The following DDX42 variants were observed in gnomAD, a reference collection of about 807,000 sequenced individuals.
DDX42 encodes the protein DEAD-box helicase 42, also known as ATP-dependent RNA helicase DDX42.
Under a neutral mutation model 101.5 loss-of-function variants are expected in DDX42, and 22 were observed. The observed-to-expected ratio is 0.22, with a 90% CI of 0.15 to 0.31. The LOEUF (loss-of-function observed/expected upper bound fraction) is 0.31, where lower values mean the gene tolerates loss of function less well. Among genes scored for constraint, DDX42 ranks in the 10% least tolerant of loss-of-function variants. The pLI, the probability that DDX42 is intolerant of heterozygous loss-of-function variation, is 1.00. For missense variants in DDX42, 849 were observed against 1,199.9 expected, an observed-to-expected ratio of 0.71 and a Z score of 4.32; for synonymous variants, 402 against 401.2, an observed-to-expected ratio of 1.00 and a Z score of -0.02.
intron 3 of DDX42, among the ~76,000 whole-genome samples, chr17:63,793,876 AT>A (rs11351860): frequency 0.31 from 43,945 of 143,842 alleles, 7,520 homozygotes; most frequent in African/African-American, 0.47. Context: ...ATATATATAT[AT>A]ATAATTTTTT....
chr17:63,776,628 CTCA>C (rs1435165440), intron 1 of DDX42, among the ~76,000 whole-genome samples: 1 of 146,654 alleles, frequency 6.8e-6, no homozygotes, highest in African/African-American at 2.5e-5. Context: ...AGGTGATAGT[CTCA>C]TCTTTTTTTT....
chr17:63,807,657 C>T, intron 8 of DDX42, 67 bp from the exon 9 acceptor site: 1 of 1,435,100 alleles, frequency 7.0e-7, no homozygotes, highest in Non-Finnish European at 9.6e-7. Context: ...TATCATTCCC[C>T]AGGATTTGCT....
intron 2 of DDX42, 124 bp downstream of exon 2, chr17:63,787,394 G>A (rs1031236989): frequency 9.9e-6 from 10 of 1,010,442 alleles, no homozygotes; most frequent in South Asian, 5.1e-5. Flanking sequence ...TATGTGTCTC[G>A]CTGAATTCCA....
chr17:63,817,192 T>A, intron 17 of DDX42: 1 of 488,196 alleles, frequency 2.0e-6, no homozygotes, highest in Non-Finnish European at 3.7e-6. Flanking sequence ...ACTTGGGGCC[T>A]GGGATTGTTG....
chr17:63,786,901 C>G, intron 1 of DDX42, 133 bp from the exon 2 acceptor site: 1 of 821,986 alleles, frequency 1.2e-6, no homozygotes, highest in Non-Finnish European at 1.9e-6. Context: ...TGGTCTTGAA[C>G]TCCTGACCTC....
At position 63,818,001 on chromosome 17, in the gene DDX42, G is replaced by T. The variant is rs750068796; in HGVS notation, c.2420G>T (p.Arg807Ile). 7 of 1,614,116 alleles carry T rather than the reference G, an allele frequency of 4.3e-6. No individual in the cohort carries two copies. Among genetic ancestry groups the T allele is most frequent in the Non-Finnish European group, 5.9e-6 (7 of 1,180,026 alleles). The change falls in exon 18 of 18, where the codon AGA (arginine) becomes ATA (isoleucine). Residue 807 changes from arginine (R) to isoleucine (I), a missense_variant. This residue lies in a region of DDX42 where 300 missense variants were observed against 304.9 expected (regional missense o/e 0.98). Coordinates refer to ENST00000389924, the MANE Select transcript of DDX42 (RefSeq NM_203499.3). ...GGGACTGGGGGCAGCAACGGGAAAA[G>T]AGAGAGATATACTGAGAACCGGGGC... The part of the protein sequence containing the change: ...REGTGGSNGK[R>I]ERYTENRGSS...
chr17:63,789,583 T>C lies in DDX42; in HGVS notation c.221+2313T>C, dbSNP rs1182104569. ...TGTTTTTGTTTTTGTTTTTTTTTTT[T>C]TTTTTTTGAGACAGAGTTTCGCTCT... On this transcript the variant is annotated intron_variant, in intron 2 of 17. Coordinates refer to ENST00000389924, the MANE Select transcript of DDX42 (RefSeq NM_203499.3). Among the ~76,000 whole-genome samples the C allele has an allele frequency of 3.5e-5, 4 of 113,554 alleles. No individual in the cohort carries two copies. In the South Asian group the frequency reaches 1.3e-3, roughly 37 times the overall value. The allele number at this position is 113,554 out of a possible 152,430, so 74.5% of individuals were successfully genotyped here.
chr17:63,788,310 C>CT (rs370584285), intron 2 of DDX42, among the ~76,000 whole-genome samples: 3,057 of 121,434 alleles, frequency 0.025, 80 homozygotes, highest in African/African-American at 0.05. Flanking sequence ...ACATCTGAGT[C>CT]TTTTTTTTTT....
chr17:63,786,500 G>T (rs771895081), intron 1 of DDX42, among the ~76,000 whole-genome samples: 1 of 151,476 alleles, frequency 6.6e-6, no homozygotes, highest in Non-Finnish European at 1.5e-5. Flanking sequence ...TCATAGCTCA[G>T]TGTAATCTGG....
chr17:63,808,605 G>C (rs1476246615), intron 9 of DDX42, among the ~76,000 whole-genome samples: 1 of 152,094 alleles, frequency 6.6e-6, no homozygotes, highest in Admixed American at 6.5e-5. Flanking sequence ...GGAAGAGAAG[G>C]GGGTAAAATG....
chr17:63,801,419 A>G (rs1045881333), intron 6 of DDX42, among the ~76,000 whole-genome samples: 3 of 151,976 alleles, frequency 2.0e-5, no homozygotes, highest in East Asian at 1.9e-4. Flanking sequence ...TGTTGTTGCT[A>G]TATTGCCCAG....
Position 63,800,464 on chromosome 17 carries a change from G to T in DDX42, c.472-4G>T, listed in dbSNP as rs373347096. ...TGTGATTATGTTCTTGTGCTTTCCT[G>T]CAGGAAGCTTATTTTCGATACATGG... is the stretch of plus-strand genomic sequence containing the variant. On this transcript the variant is annotated splice_polypyrimidine_tract_variant and splice_region_variant and intron_variant, in intron 5 of 17. Transcript: ENST00000389924. The T allele has an allele frequency of 3.6e-5, 58 of 1,612,624 alleles. No individual in the cohort carries two copies. The highest frequency in any genetic ancestry group is 4.7e-5 in the Non-Finnish European group (55 of 1,179,444).
At chr17:63,812,414 T>C (rs2039921488) in intron 14 of DDX42, among the ~76,000 whole-genome samples, 1 of 152,140 alleles carries the variant, frequency 6.6e-6, no homozygotes, top group Admixed American at 6.6e-5. Flanking sequence ...TTAGTATTTC[T>C]CTCTAATCAA....
At chr17:63,793,856 TTATATA>T (rs138103837) in intron 3 of DDX42, among the ~76,000 whole-genome samples, 7 of 70,684 alleles carry the variant, frequency 9.9e-5, no homozygotes, top group Admixed American at 7.1e-4. Context: ...GCAGAAAAAT[TTATATA>T]TATATATATA....
In DDX42 at chr17:63,807,824, T is replaced by C. The variant is rs1265292331; in HGVS notation, c.947T>C (p.Met316Thr). Residue 316 changes from methionine to threonine, a missense_variant, in exon 9 of 18, where the codon ATG (methionine) becomes ACG (threonine). Coordinates refer to ENST00000389924, the MANE Select transcript of DDX42 (RefSeq NM_203499.3). ...AFIWPMLIHI[M>T]DQKELEPGDG... ...ATTTGGCCCATGTTGATTCATATAA[T>C]GGACCAGAAGGAGTTGGAACCAGGT... is the stretch of plus-strand genomic sequence containing the variant. The C allele has an allele frequency of 6.2e-7, 1 of 1,614,186 alleles. No homozygotes were observed. The highest frequency in any genetic ancestry group is 1.1e-5 in the South Asian group (1 of 91,088).
In DDX42 at chr17:63,774,209, G is replaced by T; in HGVS notation, c.-184G>T. The T allele has an allele frequency of 6.9e-6, 2 of 289,156 alleles. 1 individual carries two copies. Among genetic ancestry groups the T allele is most frequent in the Non-Finnish European group, 1.2e-5 (2 of 165,228 alleles). 17.9% of individuals were successfully genotyped at this position (289,156 alleles called of 1,614,324 possible). ...TTCAGCAACGGGCCGTGAGGCGGTGGCGGTGGTGGCGGTGGCGGCGGCGGT... is the reference window on the plus strand; with the variant it reads ...TTCAGCAACGGGCCGTGAGGCGGTGTCGGTGGTGGCGGTGGCGGCGGCGGT... On this transcript the variant is annotated 5_prime_UTR_variant, in exon 1 of 18. Coordinates refer to ENST00000389924, the MANE Select transcript of DDX42 (RefSeq NM_203499.3).
chr17:63,789,294 G>T (rs1233396979), intron 2 of DDX42, among the ~76,000 whole-genome samples: 1 of 151,758 alleles, frequency 6.6e-6, no homozygotes, highest in Non-Finnish European at 1.5e-5. Flanking sequence ...GGCCAGGCTG[G>T]CCTCGAACTC....
chr17:63,811,219 C>T (rs1438849275), intron 13 of DDX42, 46 bp downstream of exon 13: 2 of 1,332,532 alleles, frequency 1.5e-6, no homozygotes, highest in Non-Finnish European at 1.0e-6. Flanking sequence ...GTTTATTTCT[C>T]ATATTATGGA....
At chr17:63,787,962 T>C (rs552792727) in intron 2 of DDX42, among the ~76,000 whole-genome samples, 3 of 145,174 alleles carry the variant, frequency 2.1e-5, no homozygotes, top group East Asian at 4.4e-4. Context: ...TGGAGTATAA[T>C]GGTGCAATCT....
Sources: gnomAD v4.1 joint callset for allele counts (sites outside exome capture counted in the v4.1 genomes callset) on GRCh38, gnomAD v4.1.1 for gene constraint, gnomAD v4.1.1 regional missense constraint, MANE v1.5 for transcripts, NCBI Gene and HGNC (gene_info 2026-07-23, HGNC 2026-07-21) for gene names.